ERC2: variants seen among roughly 807,000 people sequenced by gnomAD.
ERC2 encodes ELKS/RAB6-interacting/CAST family member 2.
ERC2 carries 42 observed loss-of-function variants against 114.8 expected under a neutral mutation model. The ratio of observed to expected loss-of-function variants is 0.37; its 90% confidence interval spans 0.29 to 0.47. The LOEUF (loss-of-function observed/expected upper bound fraction) is 0.47. ERC2 is among the 20% of genes least tolerant of loss of function. The probability of loss-of-function intolerance (pLI) is 0.99; values close to 1 mark genes in which losing one functional copy is unlikely to be tolerated. For synonymous variants in ERC2, 454 were observed against 425.5 expected (o/e 1.07, Z -0.82); for missense variants, 939 against 1,150.7 (o/e 0.82, Z 2.66).
At chr3:55,701,944 C>A (rs555167481) in intron 15 of ERC2, among the ~76,000 whole-genome samples, 2 of 152,196 alleles carry the variant, frequency 1.3e-5, no homozygotes, top group Non-Finnish European at 2.9e-5. Context: ...AAGGAAGGGA[C>A]TCGCTCAAGA....
intron 14 of ERC2, among the ~76,000 whole-genome samples, chr3:55,737,999 G>A (rs1181257719): frequency 6.6e-6 from 1 of 152,146 alleles, no homozygotes; most frequent in Non-Finnish European, 1.5e-5. Flanking sequence ...ATGACTACAT[G>A]TATGTGTTCA....
At chr3:55,720,261 CTG>C (rs368332377) in intron 15 of ERC2, among the ~76,000 whole-genome samples, 1,663 of 36,834 alleles carry the variant, frequency 0.045, 778 homozygotes, top group African/African-American at 0.096. Context: ...CTCTCTCTCT[CTG>C]TCTATCTCTC....
rs528927831 is a variant in ERC2 at position 56,448,988 on chromosome 3, T to A, written c.-140-13841A>T. ...TACTCGGGAGGCTGAGGCAGGAGAA[T>A]GGCGTGAACCCAGGAGGCAGAGCTT... On this transcript the variant is annotated intron_variant, in intron 1 of 17. Coordinates refer to ENST00000288221, the MANE Select transcript of ERC2 (RefSeq NM_015576.3). Among the ~76,000 whole-genome samples the A allele has an allele frequency of 3.5e-3, 505 of 146,126 alleles. 6 individuals carry two copies. The highest frequency in any genetic ancestry group is 9.9e-3 in the African/African-American group (385 of 39,020).
At chr3:55,842,988 C>T (rs2061203049) in intron 14 of ERC2, among the ~76,000 whole-genome samples, 1 of 152,132 alleles carries the variant, frequency 6.6e-6, no homozygotes, top group Non-Finnish European at 1.5e-5. Flanking sequence ...TATCAAGGCT[C>T]CAAACCCACA....
At chr3:56,156,549 G>A (rs1235444575) in intron 4 of ERC2, among the ~76,000 whole-genome samples, 1 of 152,124 alleles carries the variant, frequency 6.6e-6, no homozygotes, top group Non-Finnish European at 1.5e-5. Context: ...GGTAAGGGGT[G>A]GAGTTGGGTG....
At chr3:56,116,120 C>G (rs1028356675) in intron 6 of ERC2, among the ~76,000 whole-genome samples, 2 of 152,206 alleles carry the variant, frequency 1.3e-5, no homozygotes, top group Non-Finnish European at 2.9e-5. Flanking sequence ...GGGTGTGCCC[C>G]TTCCTCTTGG....
chr3:56,185,794 C>T (rs2083560240), intron 3 of ERC2, among the ~76,000 whole-genome samples: 1 of 152,012 alleles, frequency 6.6e-6, no homozygotes, highest in Admixed American at 6.6e-5. Context: ...GGGAGATTAT[C>T]CTGGATAATC....
At chr3:56,444,500 G>T (rs2062470082) in intron 1 of ERC2, among the ~76,000 whole-genome samples, 1 of 152,096 alleles carries the variant, frequency 6.6e-6, no homozygotes, top group African/African-American at 2.4e-5. Context: ...ATAAAAGATG[G>T]CTTTATGAAC....
chr3:55,513,904 G>A (rs1160600031), intron 17 of ERC2, among the ~76,000 whole-genome samples: 1 of 151,956 alleles, frequency 6.6e-6, no homozygotes, highest in Non-Finnish European at 1.5e-5. Context: ...CAAAGTGCTG[G>A]GATTACAGGA....
chr3:56,143,198 G>T lies in ERC2; in HGVS notation c.1306-3522C>A, dbSNP rs185443116. Among the ~76,000 whole-genome samples, 5 of 152,302 alleles carry T rather than the reference G, an allele frequency of 3.3e-5. No individual in the cohort carries two copies. In the East Asian group the frequency reaches 9.6e-4, roughly 29 times the overall value. On this transcript the variant is annotated intron_variant, in intron 5 of 17. Transcript: ENST00000288221. The stretch of plus-strand genomic sequence containing the variant: ...GAGATCCCAGCTTCATGTGGTGGTG[G>T]TAATAGGGTTCCTACAATCCCTCAT...
intron 12 of ERC2, among the ~76,000 whole-genome samples, chr3:55,968,137 CT>C (rs5849120): frequency 2.6e-5 from 4 of 151,824 alleles, no homozygotes; most frequent in Admixed American, 6.6e-5. Context: ...CTATTATTTT[CT>C]TTTTTTAACA....
intron 14 of ERC2, among the ~76,000 whole-genome samples, chr3:55,843,926 G>A (rs576290084): frequency 1.9e-4 from 29 of 152,174 alleles, no homozygotes; most frequent in Non-Finnish European, 3.4e-4. Context: ...TCGTAAATTG[G>A]AATGAGACAA....
intron 14 of ERC2, among the ~76,000 whole-genome samples, chr3:55,768,667 A>G (rs1411491373): frequency 6.6e-6 from 1 of 152,134 alleles, no homozygotes; most frequent in Non-Finnish European, 1.5e-5. Context: ...AGTGCAGACC[A>G]GATGGGAGAA....
intron 6 of ERC2, among the ~76,000 whole-genome samples, chr3:56,086,194 A>G (rs2077491534): frequency 6.6e-6 from 1 of 152,162 alleles, no homozygotes; most frequent in African/African-American, 2.4e-5. Context: ...TGTGTGATCT[A>G]TCAGTGCCCT....
intron 4 of ERC2, among the ~76,000 whole-genome samples, chr3:56,170,594 T>TTGTTTTG (rs148195901): frequency 7.9e-6 from 1 of 127,336 alleles, no homozygotes; most frequent in African/African-American, 3.1e-5. Flanking sequence ...TGTTTTTTTT[T>TTGTTTTG]TTTTTTTTTT....
chr3:56,316,700 G>A (rs983179484), intron 2 of ERC2, among the ~76,000 whole-genome samples: 2 of 152,094 alleles, frequency 1.3e-5, no homozygotes, highest in Non-Finnish European at 2.9e-5. Context: ...TTATGCTGGG[G>A]AAATCTCTTT....
At chr3:56,189,210 T>A (rs1411790339) in intron 3 of ERC2, among the ~76,000 whole-genome samples, 3 of 152,220 alleles carry the variant, frequency 2.0e-5, no homozygotes, top group Non-Finnish European at 2.9e-5. Context: ...AATGAATCTG[T>A]TTCTTTCTTC....
At chr3:55,534,909 G>T (rs1037927245) in intron 17 of ERC2, among the ~76,000 whole-genome samples, 1 of 152,182 alleles carries the variant, frequency 6.6e-6, no homozygotes, top group Non-Finnish European at 1.5e-5. Flanking sequence ...GGAAATGGCT[G>T]AGCATCATGG....
At position 55,860,744 on chromosome 3, in the gene ERC2, G is replaced by T. The variant is rs562330196; in HGVS notation, c.2564+27645C>A. 1.1e-3 allele frequency among the ~76,000 whole-genome samples: 164 copies of T among 152,278 alleles called. 2 individuals carry two copies. The highest frequency in any genetic ancestry group is 1.8e-4 in the Non-Finnish European group (12 of 68,028). ...AATACCAGAGCCCAAGTTTTTCTCT[G>T]TTGCCAAAATCCTGAGGGCTTCTTA... On this transcript the variant is annotated intron_variant, in intron 14 of 17. Coordinates refer to ENST00000288221, the MANE Select transcript of ERC2 (RefSeq NM_015576.3).
Sources: gnomAD v4.1 joint callset for allele counts (sites outside exome capture counted in the v4.1 genomes callset) on GRCh38, gnomAD v4.1.1 for gene constraint, MANE v1.5 for transcripts, NCBI Gene and HGNC (gene_info 2026-07-23, HGNC 2026-07-21) for gene names.